Variants in SPG7 observed in about 807,000 individuals in gnomAD.
SPG7 encodes mitochondrial inner membrane m-AAA protease component paraplegin.
A neutral mutation model predicts 81.9 loss-of-function variants in SPG7; 103 were observed. The ratio of observed to expected loss-of-function variants is 1.26; its 90% CI spans 1.07 to 1.48. The LOEUF is 1.48. Among genes scored for constraint, SPG7 ranks in the 40% most tolerant of loss-of-function variants. The probability of loss-of-function intolerance (pLI) is 0.00; values close to 1 mark genes in which losing one functional copy is unlikely to be tolerated. For synonymous variants in SPG7, 534 were observed against 444.2 expected (o/e 1.20, Z -2.54); for missense variants, 1,241 against 1,087.3 (o/e 1.14, Z -1.99).
chr16:89,531,478 A>C, intron 7 of SPG7: 1 of 224,942 alleles, frequency 4.4e-6, no homozygotes. Context: ...AGTTCAAGTG[A>C]TTCTCCTGCC....
Position 89,510,482 on chromosome 16 carries a change from T to C in SPG7, c.184-8T>C. 1 of 1,568,548 alleles carries C rather than the reference T, an allele frequency of 6.4e-7. No homozygotes were observed. The highest frequency in any genetic ancestry group is 1.1e-5 in the South Asian group (1 of 90,134). On this transcript the variant is annotated splice_polypyrimidine_tract_variant and splice_region_variant and intron_variant, in intron 1 of 16. Transcript: ENST00000645818. ...TGACCTCCAGTATTGTTTTTTTTTT[T>C]TTTTCAGAGCTTACAATTGAGACTG...
intron 4 of SPG7, among the ~76,000 whole-genome samples, chr16:89,525,707 T>C (rs2058251116): frequency 6.6e-6 from 1 of 152,164 alleles, no homozygotes; most frequent in Non-Finnish European, 1.5e-5. Flanking sequence ...GACCTGTTGG[T>C]GTCCTGGTGT....
At chr16:89,536,768 C>T (rs763569277) in intron 9 of SPG7, 7 of 1,613,984 alleles carry the variant, frequency 4.3e-6, no homozygotes, top group Non-Finnish European at 5.9e-6. Flanking sequence ...CAACCAGGTG[C>T]CTCTCTTGAC....
intron 4 of SPG7, among the ~76,000 whole-genome samples, chr16:89,524,528 C>A (rs1272856164): frequency 6.6e-6 from 1 of 152,214 alleles, no homozygotes; most frequent in Non-Finnish European, 1.5e-5. Context: ...ACTGCAACAT[C>A]TGCCTCCCGA....
intron 9 of SPG7, chr16:89,536,802 G>T (rs1164804949): frequency 9.3e-6 from 15 of 1,614,034 alleles, no homozygotes; most frequent in Non-Finnish European, 1.3e-5. Context: ...AGGGGACCAT[G>T]AGGAAGCTCA....
intron 7 of SPG7, chr16:89,531,013 C>CA (rs2058334370): frequency 1.5e-6 from 1 of 688,668 alleles, no homozygotes; most frequent in African/African-American, 1.8e-5. Context: ...TTCAGCCAAG[C>CA]AGAGGCTGCC....
chr16:89,552,541 A>C lies in SPG7; in HGVS notation c.1780-438A>C, dbSNP rs970635381. 3.2e-5 allele frequency: 8 copies of C among 253,758 alleles called. No individual in the cohort carries two copies. In the Admixed American group the frequency reaches 3.5e-4, roughly 11 times the overall value. 15.7% of individuals were successfully genotyped at this position (253,758 alleles called of 1,614,324 possible). ...GTTGCCCCGCGCCACCTCCTTGCAC[A>C]CCTGATGTGGGGCTGTGGGGGAGCA... On this transcript the variant is annotated intron_variant, in intron 13 of 16. Transcript: ENST00000645818.
intron 12 of SPG7, chr16:89,550,264 T>C (rs1196865876): frequency 1.2e-5 from 6 of 484,374 alleles, no homozygotes; most frequent in African/African-American, 2.0e-5. Flanking sequence ...CCTCCGTCTC[T>C]CAGGTTCAAG....
intron 3 of SPG7, chr16:89,514,547 C>G (rs1196644286): frequency 6.6e-6 from 1 of 152,256 alleles, no homozygotes; most frequent in Non-Finnish European, 1.5e-5. Flanking sequence ...GTCGCCCAGG[C>G]TGGAGTGCAG....
chr16:89,551,233 G>A (rs1290017785), intron 13 of SPG7: 6 of 175,384 alleles, frequency 3.4e-5, no homozygotes, highest in African/African-American at 1.4e-4. Flanking sequence ...CGTCTTTACA[G>A]TGGAGCCCCA....
rs1177363505 is a variant in SPG7 at position 89,536,570 on chromosome 16, GT to G, written c.1324+3935del. The stretch of plus-strand genomic sequence containing the variant: ...AGGCAGGTGAGGTGAGGCGGGTGAG[GT>G]CAGGTGAGGCGGGTGAGGTGAGGCA... On this transcript the variant is annotated intron_variant, in intron 9 of 16. Transcript: ENST00000645818. Among the ~76,000 whole-genome samples the G allele has an allele frequency of 1.6e-3, 236 of 145,232 alleles. 10 individuals carry two copies. Among genetic ancestry groups the G allele is most frequent in the African/African-American group, 5.4e-3 (211 of 39,118 alleles).
rs2152401164 is a variant in SPG7 at position 89,527,974 on chromosome 16, A to G, written c.759-1503A>G. On this transcript the variant is annotated intron_variant, in intron 5 of 16. Coordinates refer to ENST00000645818, the MANE Select transcript of SPG7 (RefSeq NM_003119.4). ...GCACCTTTAATTCTATAACCCAGCA[A>G]CACCTGGAAGATCACTGCTCTGAGG... 2.0e-5 allele frequency among the ~76,000 whole-genome samples: 3 copies of G among 152,074 alleles called. No individual in the cohort carries two copies. In the Middle Eastern group the frequency reaches 0.01, roughly 517 times the overall value.
At position 89,557,755 on chromosome 16, in the gene SPG7, T is replaced by G. The variant is rs1397009000; in HGVS notation, c.*662T>G. On this transcript the variant is annotated 3_prime_UTR_variant, in exon 17 of 17. Coordinates refer to ENST00000645818, the MANE Select transcript of SPG7 (RefSeq NM_003119.4). ...GATACTTTACTAATAAACTGTGTAG[T>G]TGGAAAATCTACATTTGCATTGTCT... 2 of 153,348 alleles carry G rather than the reference T, an allele frequency of 1.3e-5. No homozygotes were observed. The highest frequency in any genetic ancestry group is 4.8e-5 in the African/African-American group (2 of 41,452). The allele number at this position is 153,348 out of a possible 1,614,324, so 9.5% of individuals were successfully genotyped here.
In SPG7 at chr16:89,510,430, T is replaced by A. The variant is rs1209417295; in HGVS notation, c.184-60T>A. ...TTTTAAAAACGATTTTTAGTCTGCA[T>A]TGCTTTGGTACTCTCTAATGTTGGT... On this transcript the variant is annotated intron_variant, in intron 1 of 16. Coordinates refer to ENST00000645818, the MANE Select transcript of SPG7 (RefSeq NM_003119.4). 4 of 1,052,684 alleles carry A rather than the reference T, an allele frequency of 3.8e-6. No homozygotes were observed. In the African/African-American group the frequency reaches 4.7e-5, roughly 12 times the overall value. The allele number at this position is 1,052,684 out of a possible 1,614,324, so 65.2% of individuals were successfully genotyped here.
chr16:89,529,816 T>G lies in SPG7; in HGVS notation c.861+237T>G, dbSNP rs1174402660. On this transcript the variant is annotated intron_variant, in intron 6 of 16. Transcript: ENST00000645818. Reference sequence around the variant, plus strand: ...CTGGGGTGCCTGAGCCTTGTGAGATTACAGGGCAGTTGAATCTGCGTTTTT... The same window carrying G: ...CTGGGGTGCCTGAGCCTTGTGAGATGACAGGGCAGTTGAATCTGCGTTTTT... 1.7e-5 allele frequency: 10 copies of G among 574,714 alleles called. No individual in the cohort carries two copies. The East Asian group carries it at 3.0e-4, about 17-fold the overall frequency. 35.6% of individuals were successfully genotyped at this position (574,714 alleles called of 1,614,324 possible). A position where few individuals can be genotyped will look rare whatever the true frequency, so the allele number is the denominator to read the frequency against.
chr16:89,510,041 C>G (rs2057992239), intron 1 of SPG7, among the ~76,000 whole-genome samples: 1 of 151,910 alleles, frequency 6.6e-6, no homozygotes, highest in African/African-American at 2.4e-5. Flanking sequence ...GTGGTGCTAT[C>G]TCGGCTTACT....
Position 89,508,515 on chromosome 16 carries a change from TC to T in SPG7, c.102del (p.Ala35ProfsTer31). 1 of 1,513,732 alleles carries T rather than the reference TC, an allele frequency of 6.6e-7. No individual in the cohort carries two copies. Among genetic ancestry groups the T allele is most frequent in the Non-Finnish European group, 8.8e-7 (1 of 1,136,938 alleles). The allele number at this position is 1,513,732 out of a possible 1,614,324, so 93.8% of individuals were successfully genotyped here. A position where few individuals can be genotyped will look rare whatever the true frequency, so the allele number is the denominator to read the frequency against. On this transcript the variant is annotated frameshift_variant, in exon 1 of 17. Transcript: ENST00000645818. LOFTEE classifies it high-confidence loss of function. The stretch of plus-strand genomic sequence containing the variant: ...CCAGGCCCGGCCTGGAGTCCAGGGT[TC>T]CCCGCCAGGCCCGGGAGGGGGCGGC... Reference protein sequence around the residue: ...WGPGPAWSPGFPARPGRGRPY... With the variant: ...WGPGPAWSPGXPARPGRGRPY...
intron 5 of SPG7, chr16:89,529,103 C>T (rs2058306770): frequency 5.8e-6 from 2 of 343,464 alleles, no homozygotes; most frequent in South Asian, 2.4e-5. Context: ...TGAGCCACCG[C>T]GCCCGGCCTG....
At chr16:89,529,346 C>G (rs576192458) in intron 5 of SPG7, 131 bp from the exon 6 acceptor site, 3 of 708,988 alleles carry the variant, frequency 4.2e-6, no homozygotes, top group Middle Eastern at 3.7e-4. Context: ...TTTTAATCTG[C>G]GCATCGGTCC....
Sources: allele counts gnomAD v4.1 joint callset (sites outside exome capture counted in the v4.1 genomes callset), GRCh38; gene constraint gnomAD v4.1.1; transcripts MANE v1.5; gene names NCBI Gene and HGNC (gene_info 2026-07-23, HGNC 2026-07-21).